Variants in FUT8 observed in about 807,000 individuals in gnomAD.
FUT8 encodes the protein fucosyltransferase 8.
A neutral mutation model predicts 71.3 loss-of-function variants in FUT8; 29 were observed. The observed-to-expected ratio is 0.41, with a 90% CI of 0.30 to 0.55. The LOEUF is 0.55. FUT8 is among the 20% of genes least tolerant of loss of function. The pLI is 0.34. For missense variants in FUT8, 544 were observed against 702.1 expected, an observed-to-expected ratio of 0.77 and a Z score of 2.55; for synonymous variants, 254 against 239.3, an observed-to-expected ratio of 1.06 and a Z score of -0.57.
intron 1 of FUT8, among the ~76,000 whole-genome samples, chr14:65,451,563 A>G (rs2065826803): frequency 6.6e-6 from 1 of 152,252 alleles, no homozygotes. Flanking sequence ...CCACTGTGAA[A>G]GCCTTTTGTA....
the FUT8 span, among the ~76,000 whole-genome samples, chr14:65,359,727 A>G: frequency 1.4e-4 from 21 of 152,324 alleles, no homozygotes; most frequent in South Asian, 3.7e-3. Context: ...TTATCCATTC[A>G]TCTGTTGACT....
intron 6 of FUT8, among the ~76,000 whole-genome samples, chr14:65,639,269 A>G (rs1226602160): frequency 6.6e-6 from 1 of 152,166 alleles, no homozygotes; most frequent in Non-Finnish European, 1.5e-5. Context: ...GAAGTTTTCT[A>G]AGCATTATTA....
At chr14:65,453,311 A>G (rs1271972722) in intron 1 of FUT8, among the ~76,000 whole-genome samples, 1 of 151,976 alleles carries the variant, frequency 6.6e-6, no homozygotes, top group Admixed American at 6.6e-5. Flanking sequence ...GTGCCTGCAG[A>G]TATTTTTGAA....
chr14:65,524,832 CAT>C (rs1883336478), intron 2 of FUT8, among the ~76,000 whole-genome samples: 1 of 152,068 alleles, frequency 6.6e-6, no homozygotes, highest in Non-Finnish European at 1.5e-5. Context: ...TTGAGATAAT[CAT>C]GTGGTTTTTG....
chr14:65,676,009 TAAAC>T (rs1346731914), intron 7 of FUT8, among the ~76,000 whole-genome samples: 2 of 151,594 alleles, frequency 1.3e-5, no homozygotes, highest in East Asian at 3.9e-4. Flanking sequence ...AAAAAATAAA[TAAAC>T]AAAAAATAAA....
At chr14:65,374,343 A>G in the FUT8 span, among the ~76,000 whole-genome samples, 2 of 152,168 alleles carry the variant, frequency 1.3e-5, no homozygotes, top group African/African-American at 4.8e-5. Flanking sequence ...TCTATAATGT[A>G]CTACATACTC....
chr14:65,454,539 G>A (rs1339168782), intron 1 of FUT8, among the ~76,000 whole-genome samples: 2 of 152,146 alleles, frequency 1.3e-5, no homozygotes, highest in East Asian at 3.8e-4. Flanking sequence ...GGTGGGAGGA[G>A]TTTAAGTTGG....
intron 1 of FUT8, among the ~76,000 whole-genome samples, chr14:65,430,547 C>A (rs896789742): frequency 2.3e-4 from 35 of 152,196 alleles, no homozygotes; most frequent in African/African-American, 8.2e-4. Flanking sequence ...AGTAAATGAG[C>A]AGCCGTCAGA....
intron 2 of FUT8, among the ~76,000 whole-genome samples, chr14:65,477,678 C>T (rs2066266949): frequency 6.6e-6 from 1 of 151,982 alleles, no homozygotes; most frequent in African/African-American, 2.4e-5. Flanking sequence ...AGCTGTTGGT[C>T]AGCTTCTAAA....
At chr14:65,691,938 G>A (rs909306545) in intron 7 of FUT8, among the ~76,000 whole-genome samples, 1 of 152,174 alleles carries the variant, frequency 6.6e-6, no homozygotes, top group African/African-American at 2.4e-5. Context: ...AGATCAACAG[G>A]ATCCCAAGGC....
chr14:65,634,519 T>C (rs1015440639), intron 6 of FUT8, among the ~76,000 whole-genome samples: 3 of 145,828 alleles, frequency 2.1e-5, no homozygotes, highest in Non-Finnish European at 4.5e-5. Context: ...CCTATGACCC[T>C]GCCAAATCCC....
At chr14:65,590,086 A>C (rs1320582317) in intron 3 of FUT8, among the ~76,000 whole-genome samples, 1 of 152,210 alleles carries the variant, frequency 6.6e-6, no homozygotes, top group Admixed American at 6.5e-5. Context: ...GGGTAACACC[A>C]TCTGTTGGAG....
chr14:65,373,026 A>G, the FUT8 span, among the ~76,000 whole-genome samples: 2 of 152,168 alleles, frequency 1.3e-5, no homozygotes, highest in Non-Finnish European at 2.9e-5. Context: ...TTTGAATTTC[A>G]GATAAGTAAT....
At chr14:65,554,851 A>T (rs12436381) in intron 2 of FUT8, among the ~76,000 whole-genome samples, 11,426 of 152,108 alleles carry the variant, frequency 0.075, 498 homozygotes, top group Admixed American at 0.12. Flanking sequence ...GTAACTTTTG[A>T]TAAAATGCAC....
chr14:65,547,593 C>G (rs1404007613), intron 2 of FUT8, among the ~76,000 whole-genome samples: 2 of 151,722 alleles, frequency 1.3e-5, no homozygotes. Flanking sequence ...AAGTTTCTAT[C>G]CACAATCATT....
the FUT8 span, among the ~76,000 whole-genome samples, chr14:65,403,167 A>G: frequency 7.2e-5 from 11 of 152,196 alleles, no homozygotes; most frequent in African/African-American, 2.4e-4. Flanking sequence ...TTTATGGTGT[A>G]CTTATTCAGT....
intron 1 of FUT8, among the ~76,000 whole-genome samples, chr14:65,430,566 C>T (rs1244435653): frequency 1.3e-5 from 2 of 152,106 alleles, no homozygotes; most frequent in African/African-American, 4.8e-5. Flanking sequence ...GAAGATATAG[C>T]CATTTCTAGG....
chr14:65,486,550 G>C (rs1311306480), intron 2 of FUT8, among the ~76,000 whole-genome samples: 4 of 152,286 alleles, frequency 2.6e-5, no homozygotes, highest in African/African-American at 9.6e-5. Context: ...ATTGAAAAAA[G>C]CAAATAAGTA....
chr14:65,381,350 C>T, the FUT8 span, among the ~76,000 whole-genome samples: 1 of 152,134 alleles, frequency 6.6e-6, no homozygotes, highest in East Asian at 1.9e-4. Context: ...AATTGCAGGC[C>T]AGGCTTTAAA....
Sources: gnomAD v4.1 joint callset for allele counts (sites outside exome capture counted in the v4.1 genomes callset) on GRCh38, gnomAD v4.1.1 for gene constraint, MANE v1.5 for transcripts, NCBI Gene and HGNC (gene_info 2026-07-23, HGNC 2026-07-21) for gene names.